Variants in ABCC6 observed in about 807,000 individuals in gnomAD.
The protein encoded by ABCC6 is ATP binding cassette subfamily C member 6.
Under a neutral mutation model 169.5 loss-of-function variants are expected in ABCC6, and 126 were observed. The ratio of observed to expected loss-of-function variants is 0.74; its 90% CI spans 0.64 to 0.86. ABCC6 has a LOEUF of 0.86. Among genes scored for constraint, ABCC6 ranks in the 40% least tolerant of loss-of-function variants. ABCC6 has a pLI of 0.00. For missense variants in ABCC6, 1,733 were observed against 1,927.2 expected, an observed-to-expected ratio of 0.90 and a Z score of 1.89; for synonymous variants, 752 against 814.7, an observed-to-expected ratio of 0.92 and a Z score of 1.31.
chr16:16,196,648 A>G (rs1188124512), intron 10 of ABCC6, among the ~76,000 whole-genome samples: 3 of 152,176 alleles, frequency 2.0e-5, no homozygotes, highest in Non-Finnish European at 4.4e-5. Flanking sequence ...ATAAGTGGTC[A>G]GAAGGAGGAT....
chr16:16,156,176 A>C (rs756174453), intron 27 of ABCC6, among the ~76,000 whole-genome samples: 4 of 152,184 alleles, frequency 2.6e-5, no homozygotes, highest in Non-Finnish European at 5.9e-5. Context: ...TTGGCCTCCT[A>C]AAGTGCTGGG....
intron 21 of ABCC6, among the ~76,000 whole-genome samples, chr16:16,171,856 AGTTG>A (rs1240538584): frequency 3.3e-5 from 4 of 122,618 alleles, no homozygotes; most frequent in South Asian, 2.8e-4. Context: ...TGGATAAATG[AGTTG>A]GTGGGAGGGA....
intron 8 of ABCC6, 116 bp downstream of exon 8, chr16:16,203,294 G>A: frequency 6.5e-7 from 1 of 1,528,518 alleles, no homozygotes; most frequent in East Asian, 2.3e-5. Context: ...CCACCATCCA[G>A]TGTCCCGAGC....
intron 11 of ABCC6, among the ~76,000 whole-genome samples, chr16:16,191,261 G>A (rs953351987): frequency 3.9e-5 from 6 of 152,076 alleles, no homozygotes; most frequent in Admixed American, 2.0e-4. Flanking sequence ...GATTACAGGC[G>A]CCCGCCACCA....
chr16:16,216,166 C>T (rs1224473597), intron 4 of ABCC6, among the ~76,000 whole-genome samples: 1 of 152,338 alleles, frequency 6.6e-6, no homozygotes, highest in Admixed American at 6.5e-5. Flanking sequence ...AGATGATCCT[C>T]CTGCCTTGGC....
intron 5 of ABCC6, 44 bp downstream of exon 5, chr16:16,214,280 A>C: frequency 2.6e-6 from 4 of 1,548,180 alleles, no homozygotes; most frequent in Non-Finnish European, 3.5e-6. Context: ...GGAGACTGAG[A>C]CCTCAAAGTG....
At chr16:16,174,920 C>T (rs903075521) in intron 20 of ABCC6, among the ~76,000 whole-genome samples, 32 of 151,170 alleles carry the variant, frequency 2.1e-4, no homozygotes, top group African/African-American at 6.8e-4. Context: ...GCCACCACGC[C>T]GGCTTTTTTT....
chr16:16,165,640 G>A lies in ABCC6; in HGVS notation c.3289C>T (p.Leu1097Phe), dbSNP rs60707953. ...CTCCGTACCTGAAACCCAGCGTAGAGGAGAAACAGTGGCAGGATGGCCACA... is the reference window on the plus strand; with the variant it reads ...CTCCGTACCTGAAACCCAGCGTAGAAGAGAAACAGTGGCAGGATGGCCACA... ...ATVAILPLFLLYAGFQSLYVV... is the reference protein window; with the variant it reads ...ATVAILPLFLFYAGFQSLYVV... Residue 1097 changes from leucine (L) to phenylalanine (F), a missense_variant, in exon 23 of 31, where the codon CTC becomes TTC. Physicochemically the swap from Leu to Phe is conservative, Grantham distance 22 (BLOSUM62 0). Transcript: ENST00000205557. 6.2e-7 allele frequency: 1 copy of A among 1,613,216 alleles called. No individual in the cohort carries two copies. Among genetic ancestry groups the A allele is most frequent in the Non-Finnish European group, 8.5e-7 (1 of 1,180,028 alleles).
Position 16,161,478 on chromosome 16 carries a change from C to T in ABCC6, c.3593G>A (p.Ser1198Asn), listed in dbSNP as rs753628351. ...TCAVLSKAHL[S>N]AGLVGFSVSA... ...GACAGAGAAGCCCACGAGGCCAGCA[C>T]TGAGGTGGGCTTTGCTCAGCACAGC... Residue 1198 changes from serine to asparagine, a missense_variant, in exon 25 of 31, where the codon AGT (serine) becomes AAT (asparagine). This residue lies in a region of ABCC6 where 1,601 missense variants were observed against 1,635.5 expected (regional missense o/e 0.98). Coordinates refer to ENST00000205557, the MANE Select transcript of ABCC6 (RefSeq NM_001171.6). 12 of 1,613,874 alleles carry T rather than the reference C, an allele frequency of 7.4e-6. No individual in the cohort carries two copies. Among genetic ancestry groups the T allele is most frequent in the East Asian group, 6.7e-5 (3 of 44,884 alleles).
intron 20 of ABCC6, among the ~76,000 whole-genome samples, chr16:16,175,485 G>A (rs1007974012): frequency 4.6e-5 from 7 of 152,170 alleles, no homozygotes; most frequent in African/African-American, 2.4e-5. Flanking sequence ...CCTTGCCCAC[G>A]TGTTCTGGCC....
intron 20 of ABCC6, among the ~76,000 whole-genome samples, chr16:16,173,696 C>CTTTCT (rs1555511385): frequency 0.012 from 1,726 of 139,194 alleles, 42 homozygotes; most frequent in African/African-American, 0.041. Context: ...TCAGAATTTT[C>CTTTCT]TTTTTTTTTT....
chr16:16,192,964 C>A (rs751128360), intron 10 of ABCC6, 42 bp from the exon 11 acceptor site: 1 of 1,565,936 alleles, frequency 6.4e-7, no homozygotes, highest in Non-Finnish European at 8.8e-7. Flanking sequence ...TCCCGAGGAG[C>A]CCAGCTCTCA....
intron 6 of ABCC6, among the ~76,000 whole-genome samples, chr16:16,211,818 A>C (rs1415915225): frequency 6.6e-6 from 1 of 152,074 alleles, no homozygotes; most frequent in Non-Finnish European, 1.5e-5. Flanking sequence ...GGAATGACTG[A>C]AATCAAGTAT....
chr16:16,184,198 C>CAAAAAAA (rs56071235), intron 15 of ABCC6: 2 of 71,942 alleles, frequency 2.8e-5, no homozygotes, highest in Non-Finnish European at 5.2e-5. Context: ...GACTCCGTTT[C>CAAAAAAA]AAAAAAAAAA....
intron 1 of ABCC6, chr16:16,223,104 G>C: frequency 1.9e-6 from 1 of 537,206 alleles, no homozygotes; most frequent in South Asian, 2.0e-5. Flanking sequence ...AAACCAGAGA[G>C]GTAAGGGCTC....
In ABCC6 at chr16:16,214,318, A is replaced by G; in HGVS notation, c.600+6T>C. The G allele has an allele frequency of 6.4e-7, 1 of 1,550,718 alleles. No individual in the cohort carries two copies. Among genetic ancestry groups the G allele is most frequent in the East Asian group, 2.4e-5 (1 of 40,856 alleles). ...ACAGGAATGAGGTTGGAACTTGGTG[A>G]CTTACAGACTGCTGGGGGTCTTCAG... On this transcript the variant is annotated splice_donor_region_variant and intron_variant, in intron 5 of 30. Coordinates refer to ENST00000205557, the MANE Select transcript of ABCC6 (RefSeq NM_001171.6).
Position 16,177,631 on chromosome 16 carries a change from G to A in ABCC6, c.2416-5C>T, listed in dbSNP as rs564646550. On this transcript the variant is annotated splice_polypyrimidine_tract_variant and splice_region_variant and intron_variant, in intron 18 of 30. Transcript: ENST00000205557. ...GTGCGTCACGAGAATCCGTGTCTGG[G>A]CAGGGAAGGGGTAGAAGTTACACAC... The A allele has an allele frequency of 7.4e-6, 12 of 1,614,024 alleles. No homozygotes were observed. The highest frequency in any genetic ancestry group is 1.3e-5 in the African/African-American group (1 of 74,934).
At chr16:16,190,518 G>T (rs1445667511) in intron 11 of ABCC6, 151 bp from the exon 12 acceptor site, 3 of 823,794 alleles carry the variant, frequency 3.6e-6, no homozygotes, top group Non-Finnish European at 6.0e-6. Flanking sequence ...CCTCACTCCT[G>T]GTCCAACCAC....
intron 17 of ABCC6, among the ~76,000 whole-genome samples, chr16:16,181,344 G>T: frequency 1.3e-5 from 1 of 78,424 alleles, no homozygotes; most frequent in African/African-American, 4.7e-5. Context: ...CTCCGTCTCA[G>T]AAAAAAAAAA....
Sources: gnomAD v4.1 joint callset for allele counts (sites outside exome capture counted in the v4.1 genomes callset) on GRCh38, gnomAD v4.1.1 for gene constraint, gnomAD v4.1.1 regional missense constraint, MANE v1.5 for transcripts, NCBI Gene and HGNC (gene_info 2026-07-23, HGNC 2026-07-21) for gene names.